HDAC4: variants seen among roughly 807,000 people sequenced by gnomAD.
HDAC4 encodes histone deacetylase A.
Under a neutral mutation model 135.1 loss-of-function variants are expected in HDAC4, and 16 were observed. The ratio of observed to expected loss-of-function variants is 0.12; its 90% CI spans 0.08 to 0.18. The LOEUF is 0.18. Among genes scored for constraint, HDAC4 ranks in the 10% least tolerant of loss-of-function variants. The pLI is 1.00. For missense variants in HDAC4, 1,143 were observed against 1,511.8 expected, an observed-to-expected ratio of 0.76 and a Z score of 4.05; for synonymous variants, 685 against 653.4, an observed-to-expected ratio of 1.05 and a Z score of -0.74.
intron 2 of HDAC4, among the ~76,000 whole-genome samples, chr2:239,264,733 G>T (rs547639277): frequency 1.6e-4 from 24 of 152,272 alleles, no homozygotes; most frequent in Non-Finnish European, 2.9e-4. Flanking sequence ...AGCATTTCTT[G>T]GGGGGAGGCT....
chr2:239,317,486 C>T (rs1053633017), intron 2 of HDAC4, among the ~76,000 whole-genome samples: 1 of 151,900 alleles, frequency 6.6e-6, no homozygotes, highest in Admixed American at 6.6e-5. Context: ...TTTGTGTATC[C>T]AAGAGAGTAA....
intron 3 of HDAC4, among the ~76,000 whole-genome samples, chr2:239,225,128 T>C (rs2047168886): frequency 6.6e-6 from 1 of 152,106 alleles, no homozygotes; most frequent in Non-Finnish European, 1.5e-5. Context: ...TTTTTTCAAA[T>C]AAAAAAGGAA....
intron 8 of HDAC4, among the ~76,000 whole-genome samples, chr2:239,142,179 T>G (rs190929917): frequency 6.6e-6 from 1 of 152,274 alleles, no homozygotes; most frequent in Admixed American, 6.5e-5. Context: ...TTCTTCTTTG[T>G]GCTCTACAGT....
chr2:239,372,776 A>G (rs1448664804), intron 1 of HDAC4, among the ~76,000 whole-genome samples: 1 of 152,156 alleles, frequency 6.6e-6, no homozygotes, highest in Non-Finnish European at 1.5e-5. Flanking sequence ...GTTGCTGTCC[A>G]CACTTCCCTC....
At chr2:239,298,158 C>A in intron 2 of HDAC4, 1 of 1,251,616 alleles carries the variant, frequency 8.0e-7, no homozygotes, top group Non-Finnish European at 1.0e-6. Context: ...CCAAATAATT[C>A]TCCTCACCAA....
intron 3 of HDAC4, among the ~76,000 whole-genome samples, chr2:239,222,663 G>A (rs965873333): frequency 3.3e-5 from 5 of 152,062 alleles, no homozygotes; most frequent in African/African-American, 7.2e-5. Flanking sequence ...CTACAATCAC[G>A]TTATGGACAA....
chr2:239,272,943 C>T (rs1434871418), intron 2 of HDAC4, among the ~76,000 whole-genome samples: 1 of 152,162 alleles, frequency 6.6e-6, no homozygotes, highest in Non-Finnish European at 1.5e-5. Context: ...GAGAGTTGCC[C>T]ACGATGAGCG....
intron 7 of HDAC4, among the ~76,000 whole-genome samples, chr2:239,148,842 T>C (rs766093780): frequency 3.3e-5 from 5 of 152,194 alleles, no homozygotes; most frequent in Non-Finnish European, 7.3e-5. Context: ...CGGCCTGCTG[T>C]GCAGAGGAGG....
intron 2 of HDAC4, among the ~76,000 whole-genome samples, chr2:239,346,555 TCACACA>T (rs146910085): frequency 3.1e-3 from 267 of 86,078 alleles, no homozygotes; most frequent in African/African-American, 7.9e-3. Context: ...AAACACACCT[TCACACA>T]CACACACACA....
intron 3 of HDAC4, among the ~76,000 whole-genome samples, chr2:239,197,759 C>CT (rs1214637492): frequency 1.3e-5 from 2 of 151,574 alleles, no homozygotes; most frequent in African/African-American, 4.8e-5. Flanking sequence ...CCTGGATATT[C>CT]TTTTTTTAAA....
At chr2:239,201,707 C>T (rs544574701) in intron 3 of HDAC4, among the ~76,000 whole-genome samples, 222 of 152,282 alleles carry the variant, frequency 1.5e-3, no homozygotes, top group African/African-American at 5.1e-3. Flanking sequence ...AGGGGAAGCC[C>T]GGCCAAGCCC....
At chr2:239,284,298 T>G (rs1204104907) in intron 2 of HDAC4, among the ~76,000 whole-genome samples, 1 of 152,166 alleles carries the variant, frequency 6.6e-6, no homozygotes, top group African/African-American at 2.4e-5. Flanking sequence ...TGGTTTGGGA[T>G]GCTGGGTGAG....
At chr2:239,237,554 C>T (rs986301931) in intron 2 of HDAC4, among the ~76,000 whole-genome samples, 7 of 150,202 alleles carry the variant, frequency 4.7e-5, no homozygotes, top group South Asian at 2.1e-4. Context: ...AGGACAAAAA[C>T]GACTAACATC....
chr2:239,158,899 C>T (rs372110191), intron 6 of HDAC4, among the ~76,000 whole-genome samples: 5 of 151,906 alleles, frequency 3.3e-5, no homozygotes, highest in South Asian at 2.1e-4. Flanking sequence ...ACACCCGCAC[C>T]GCACACAATT....
chr2:239,259,384 C>A (rs1321887720), intron 2 of HDAC4, among the ~76,000 whole-genome samples: 1 of 152,182 alleles, frequency 6.6e-6, no homozygotes, highest in African/African-American at 2.4e-5. Context: ...GTGGAGGCTG[C>A]AGTGAGCTGA....
At chr2:239,368,596 TG>T (rs1282144773) in intron 1 of HDAC4, among the ~76,000 whole-genome samples, 1 of 152,098 alleles carries the variant, frequency 6.6e-6, no homozygotes, top group Non-Finnish European at 1.5e-5. Flanking sequence ...GCCTCCGTCC[TG>T]AGGAGAGGGG....
In HDAC4 at chr2:239,234,600, G is replaced by A. The variant is rs528287825; in HGVS notation, c.94+1993C>T. Among the ~76,000 whole-genome samples, 5 of 152,288 alleles carry A rather than the reference G, an allele frequency of 3.3e-5. No homozygotes were observed. The East Asian group carries it at 9.6e-4, about 29-fold the overall frequency. ...TGACACATATCTTTCATCTTTATGA[G>A]AACTCTGTAGAGAGGCATTATCATC... On this transcript the variant is annotated intron_variant, in intron 3 of 26. Transcript: ENST00000543185.
chr2:239,083,107 G>A (rs1015863917), intron 20 of HDAC4, among the ~76,000 whole-genome samples: 12 of 152,270 alleles, frequency 7.9e-5, no homozygotes, highest in Non-Finnish European at 1.0e-4. Context: ...AGGCTTTCCC[G>A]ACATGTGGCT....
chr2:239,234,972 G>A (rs1054803549), intron 3 of HDAC4, among the ~76,000 whole-genome samples: 3 of 152,150 alleles, frequency 2.0e-5, no homozygotes, highest in South Asian at 4.1e-4. Context: ...AGAATTCAGT[G>A]TTTACACGAA....
Sources: allele counts gnomAD v4.1 joint callset (sites outside exome capture counted in the v4.1 genomes callset), GRCh38; gene constraint gnomAD v4.1.1; transcripts MANE v1.5; gene names NCBI Gene and HGNC (gene_info 2026-07-23, HGNC 2026-07-21).